PDZRN4: variants seen among roughly 807,000 people sequenced by gnomAD.
PDZRN4 encodes PDZ domain-containing RING finger protein 4.
In PDZRN4, 70 loss-of-function variants were observed where a neutral mutation model predicts 99.0. The ratio of observed to expected loss-of-function variants is 0.71; its 90% confidence interval spans 0.58 to 0.86. The LOEUF (loss-of-function observed/expected upper bound fraction) is 0.86, where lower values mean the gene tolerates loss of function less well. Ranked by LOEUF, PDZRN4 falls within the 40% of genes least tolerant of loss-of-function variation. The probability of loss-of-function intolerance (pLI) is 0.00; values close to 1 mark genes in which losing one functional copy is unlikely to be tolerated. For missense variants in PDZRN4, 1,474 were observed against 1,331.2 expected (o/e 1.11, Z -1.67); for synonymous variants, 551 against 501.6 (o/e 1.10, Z -1.32).
intron 3 of PDZRN4, among the ~76,000 whole-genome samples, chr12:41,431,471 C>T (rs918332281): frequency 2.0e-5 from 3 of 152,168 alleles, no homozygotes; most frequent in East Asian, 1.9e-4. Flanking sequence ...TTAACCAGCA[C>T]GCCAATAGGA....
chr12:41,215,353 C>T (rs761240784), intron 3 of PDZRN4, among the ~76,000 whole-genome samples: 2 of 151,944 alleles, frequency 1.3e-5, no homozygotes, highest in South Asian at 2.1e-4. Context: ...TTGTTAAAAA[C>T]GCAGATTCCA....
chr12:41,564,109 A>G (rs1939320122), intron 8 of PDZRN4, among the ~76,000 whole-genome samples: 2 of 152,202 alleles, frequency 1.3e-5, no homozygotes, highest in Non-Finnish European at 2.9e-5. Flanking sequence ...TGGCATATGA[A>G]GATATCTTGG....
intron 3 of PDZRN4, among the ~76,000 whole-genome samples, chr12:41,454,810 TC>T (rs1414970939): frequency 6.6e-6 from 1 of 152,220 alleles, no homozygotes; most frequent in Non-Finnish European, 1.5e-5. Flanking sequence ...TTAGATCCTT[TC>T]CCTTATGTAA....
intron 3 of PDZRN4, among the ~76,000 whole-genome samples, chr12:41,386,643 C>CA (rs1952172357): frequency 6.6e-6 from 1 of 152,032 alleles, no homozygotes; most frequent in Non-Finnish European, 1.5e-5. Flanking sequence ...CATATGGAAT[C>CA]AAAAAAGAGC....
chr12:41,458,387 C>A (rs1391398136), intron 3 of PDZRN4, among the ~76,000 whole-genome samples: 1 of 152,120 alleles, frequency 6.6e-6, no homozygotes, highest in Non-Finnish European at 1.5e-5. Flanking sequence ...GAACTACTGA[C>A]CTCAGGTGAT....
At chr12:41,293,666 T>TTATTCCAGGGCATAATGTCA (rs1951471911) in intron 3 of PDZRN4, among the ~76,000 whole-genome samples, 1 of 152,136 alleles carries the variant, frequency 6.6e-6, no homozygotes, top group South Asian at 2.1e-4. Flanking sequence ...CAAAAGGAAA[T>TTATTCCAGGGCATAATGTCA]CACCCTGGAA....
At chr12:41,457,646 A>G (rs1952827526) in intron 3 of PDZRN4, among the ~76,000 whole-genome samples, 1 of 152,308 alleles carries the variant, frequency 6.6e-6, no homozygotes, top group South Asian at 2.1e-4. Context: ...TTTTCCATCA[A>G]TGCTTATTTT....
chr12:41,390,661 T>A (rs1264690801), intron 3 of PDZRN4, among the ~76,000 whole-genome samples: 2 of 151,722 alleles, frequency 1.3e-5, no homozygotes, highest in Non-Finnish European at 2.9e-5. Context: ...AAATAACATA[T>A]TATCCCATCA....
intron 5 of PDZRN4, among the ~76,000 whole-genome samples, chr12:41,544,023 C>A (rs1331029055): frequency 1.3e-5 from 2 of 152,198 alleles, no homozygotes; most frequent in Non-Finnish European, 2.9e-5. Context: ...CTAGATGGAC[C>A]AGAAATAACT....
Position 41,188,961 on chromosome 12 carries a change from G to A in PDZRN4, c.506G>A (p.Arg169Gln). The A allele has an allele frequency of 6.8e-7, 1 of 1,461,106 alleles. No individual in the cohort carries two copies. Among genetic ancestry groups the A allele is most frequent in the Non-Finnish European group, 9.0e-7 (1 of 1,107,726 alleles). 90.5% of individuals were successfully genotyped at this position (1,461,106 alleles called of 1,614,324 possible). A position where few individuals can be genotyped will look rare whatever the true frequency, so the allele number is the denominator to read the frequency against. ...GPGPRVLAWRRREKALLAQLW... is the reference protein window; with the variant it reads ...GPGPRVLAWRQREKALLAQLW... ...GGGCCTCGGGTCCTCGCCTGGAGGC[G>A]GCGCGAGAAGGCGCTGCTGGCGCAG... Residue 169 changes from arginine to glutamine, a missense_variant, in exon 1 of 10, where the codon CGG becomes CAG. Transcript: ENST00000402685.
chr12:41,272,772 A>G (rs1033031914), intron 3 of PDZRN4, among the ~76,000 whole-genome samples: 4 of 152,082 alleles, frequency 2.6e-5, no homozygotes, highest in Admixed American at 6.6e-5. Flanking sequence ...TTATAATAAC[A>G]TATTTACTTA....
intron 3 of PDZRN4, among the ~76,000 whole-genome samples, chr12:41,212,371 T>C (rs1950894103): frequency 6.6e-6 from 1 of 152,018 alleles, no homozygotes; most frequent in African/African-American, 2.4e-5. Context: ...TAGATTTTTT[T>C]CCCTACTATT....
chr12:41,533,866 T>C (rs1461188996), intron 5 of PDZRN4, among the ~76,000 whole-genome samples: 1 of 152,182 alleles, frequency 6.6e-6, no homozygotes, highest in East Asian at 1.9e-4. Flanking sequence ...TGTTTTGCCT[T>C]TTCTGTTTCT....
intron 3 of PDZRN4, among the ~76,000 whole-genome samples, chr12:41,214,430 T>TA (rs536246838): frequency 0.085 from 2,911 of 34,052 alleles, 537 homozygotes; most frequent in Non-Finnish European, 0.13. Context: ...CCCTGTCCCC[T>TA]AAAAAAAAAA....
chr12:41,279,291 C>T (rs1443303501), intron 3 of PDZRN4, among the ~76,000 whole-genome samples: 6 of 152,126 alleles, frequency 3.9e-5, no homozygotes, highest in African/African-American at 1.4e-4. Flanking sequence ...CTTTCTTAAG[C>T]AATCAAAAAG....
At chr12:41,466,489 G>A (rs972371298) in intron 3 of PDZRN4, among the ~76,000 whole-genome samples, 1 of 152,158 alleles carries the variant, frequency 6.6e-6, no homozygotes, top group Admixed American at 6.5e-5. Context: ...TAATGAAAAA[G>A]AGCCCCCTGT....
intron 3 of PDZRN4, among the ~76,000 whole-genome samples, chr12:41,477,656 T>C (rs1235946001): frequency 6.6e-6 from 1 of 152,198 alleles, no homozygotes; most frequent in Non-Finnish European, 1.5e-5. Flanking sequence ...TTTTTTAGTA[T>C]GGTTTCAAAA....
At position 41,188,956 on chromosome 12, in the gene PDZRN4, G is replaced by A. The variant is rs1950715558; in HGVS notation, c.501G>A (p.Trp167Ter). Residue 167 changes from tryptophan (W) to a stop codon, truncating the protein, a stop_gained, in exon 1 of 10, where the codon TGG becomes TGA. Transcript: ENST00000402685. LOFTEE classifies it high-confidence loss of function. ...GRGPGPRVLA[W>*]RRREKALLAQ... ...GACCCGGGCCTCGGGTCCTCGCCTGGAGGCGGCGCGAGAAGGCGCTGCTGG... is the reference window on the plus strand; with the variant it reads ...GACCCGGGCCTCGGGTCCTCGCCTGAAGGCGGCGCGAGAAGGCGCTGCTGG... 1 of 1,459,082 alleles carries A rather than the reference G, an allele frequency of 6.9e-7. No homozygotes were observed. The highest frequency in any genetic ancestry group is 9.0e-7 in the Non-Finnish European group (1 of 1,106,628). The allele number at this position is 1,459,082 out of a possible 1,614,324, so 90.4% of individuals were successfully genotyped here.
At chr12:41,268,867 G>A (rs1951296255) in intron 3 of PDZRN4, among the ~76,000 whole-genome samples, 1 of 152,154 alleles carries the variant, frequency 6.6e-6, no homozygotes, top group Non-Finnish European at 1.5e-5. Flanking sequence ...AATCATTGAA[G>A]GATAAAAACA....
Sources: gnomAD v4.1 joint callset for allele counts (sites outside exome capture counted in the v4.1 genomes callset) on GRCh38, gnomAD v4.1.1 for gene constraint, MANE v1.5 for transcripts, NCBI Gene and HGNC (gene_info 2026-07-23, HGNC 2026-07-21) for gene names.